Variants in XKR3 observed in about 807,000 individuals in gnomAD.
XKR3 encodes the protein XK related 3.
A neutral mutation model predicts 40.3 loss-of-function variants in XKR3; 27 were observed. The observed-to-expected ratio is 0.67, with a 90% CI of 0.49 to 0.92. XKR3 has a LOEUF of 0.92. Ranked by LOEUF, XKR3 falls within the 40% of genes least tolerant of loss-of-function variation. XKR3 has a pLI of 0.00. For synonymous variants in XKR3, 193 were observed against 195.4 expected, an observed-to-expected ratio of 0.99 and a Z score of 0.10; for missense variants, 472 against 537.6, an observed-to-expected ratio of 0.88 and a Z score of 1.21.
At chr22:16,804,190 G>C (rs559305488) in intron 2 of XKR3, among the ~76,000 whole-genome samples, 1 of 151,986 alleles carries the variant, frequency 6.6e-6, no homozygotes, top group South Asian at 2.1e-4. Flanking sequence ...AAAAAAGCTA[G>C]TACAATATTT....
Position 16,810,020 on chromosome 22 carries a change from G to A in XKR3, c.-10-1937C>T, listed in dbSNP as rs558749827. On this transcript the variant is annotated intron_variant, in intron 1 of 3. Coordinates refer to ENST00000684488, the MANE Select transcript of XKR3 (RefSeq NM_001386955.1). ...GCCCGCCTCAGGCTCCCAAACTGCT[G>A]GCATTGGAGGTGCAAGCCACCACAC... is the stretch of plus-strand genomic sequence containing the variant. 9.9e-5 allele frequency among the ~76,000 whole-genome samples: 15 copies of A among 152,284 alleles called. No individual in the cohort carries two copies. In the East Asian group the frequency reaches 2.9e-3, roughly 29 times the overall value.
intron 3 of XKR3, 26 bp from the exon 4 acceptor site, chr22:16,784,435 T>G (rs1399734470): frequency 3.2e-6 from 5 of 1,543,470 alleles, no homozygotes; most frequent in Non-Finnish European, 3.5e-6. Context: ...ATGAAAATGT[T>G]AGAGAATATT....
At chr22:16,801,895 A>C (rs924421525) in intron 2 of XKR3, among the ~76,000 whole-genome samples, 1 of 152,236 alleles carries the variant, frequency 6.6e-6, no homozygotes, top group Non-Finnish European at 1.5e-5. Flanking sequence ...AATCTGAAAG[A>C]AAAGTATGTG....
intron 3 of XKR3, among the ~76,000 whole-genome samples, chr22:16,796,735 A>G (rs1244149637): frequency 6.6e-6 from 1 of 152,230 alleles, no homozygotes; most frequent in Non-Finnish European, 1.5e-5. Context: ...ATCATACTGA[A>G]TGGGCAGAAG....
intron 3 of XKR3, among the ~76,000 whole-genome samples, chr22:16,791,206 G>C (rs1465059620): frequency 6.6e-6 from 1 of 151,856 alleles, no homozygotes; most frequent in Non-Finnish European, 1.5e-5. Context: ...CACAATGGAA[G>C]AGTATTCAGC....
intron 3 of XKR3, among the ~76,000 whole-genome samples, chr22:16,797,678 A>G (rs1326868651): frequency 6.6e-6 from 1 of 151,782 alleles, no homozygotes; most frequent in African/African-American, 2.4e-5. Context: ...CTGTGGTCCC[A>G]GCTGCTTGGG....
In XKR3 at chr22:16,807,843, C is replaced by T. The variant is rs973582643; in HGVS notation, c.231G>A (p.Gly77=). The T allele has an allele frequency of 1.2e-6, 2 of 1,613,754 alleles. No individual in the cohort carries two copies. Among genetic ancestry groups the T allele is most frequent in the African/African-American group, 2.7e-5 (2 of 74,884 alleles). The change falls in exon 2 of 4, where the codon GGG becomes GGA. Residue 77 remains glycine, a synonymous_variant. Coordinates refer to ENST00000684488, the MANE Select transcript of XKR3 (RefSeq NM_001386955.1). ...TCAGGATAATTTGATCCAAAATTGC[C>T]CCCACAATAATAAAGCTGATGGTAA... ...MSFTISFIIV[G]AILDQIILMF...
At chr22:16,816,829 A>T (rs2060235709) in intron 1 of XKR3, among the ~76,000 whole-genome samples, 1 of 151,962 alleles carries the variant, frequency 6.6e-6, no homozygotes, top group African/African-American at 2.4e-5. Flanking sequence ...CTTATCTTTC[A>T]TGTATGGTCA....
intron 2 of XKR3, among the ~76,000 whole-genome samples, chr22:16,805,186 G>A (rs1016596104): frequency 2.0e-5 from 3 of 152,034 alleles, no homozygotes; most frequent in Admixed American, 6.5e-5. Context: ...AGAAAATCTG[G>A]AGGAATCCAC....
intron 1 of XKR3, among the ~76,000 whole-genome samples, chr22:16,813,310 C>T (rs1485264862): frequency 6.6e-6 from 1 of 150,566 alleles, no homozygotes; most frequent in Non-Finnish European, 1.5e-5. Flanking sequence ...AAAAAACAAA[C>T]AAACAAAAAA....
chr22:16,814,147 G>C (rs1173219903), intron 1 of XKR3, among the ~76,000 whole-genome samples: 2 of 152,100 alleles, frequency 1.3e-5, no homozygotes, highest in Non-Finnish European at 2.9e-5. Flanking sequence ...CCTTTTTCTA[G>C]AGTTTTATTT....
intron 1 of XKR3, among the ~76,000 whole-genome samples, chr22:16,815,186 A>T (rs533505594): frequency 1.3e-5 from 2 of 152,120 alleles, no homozygotes; most frequent in African/African-American, 4.8e-5. Context: ...ATTTTATAAA[A>T]TATTTTACCA....
intron 3 of XKR3, among the ~76,000 whole-genome samples, chr22:16,785,471 A>G (rs16981669): frequency 0.043 from 6,482 of 152,306 alleles, 353 homozygotes; most frequent in African/African-American, 0.12. Flanking sequence ...GAAGAAAACC[A>G]AAATTATGAA....
chr22:16,818,413 C>T (rs539384865), intron 1 of XKR3, among the ~76,000 whole-genome samples: 1 of 152,054 alleles, frequency 6.6e-6, no homozygotes, highest in South Asian at 2.1e-4. Context: ...TTCCATGTAT[C>T]CCACATAATG....
At chr22:16,793,594 A>T (rs2060129453) in intron 3 of XKR3, among the ~76,000 whole-genome samples, 1 of 152,156 alleles carries the variant, frequency 6.6e-6, no homozygotes, top group African/African-American at 2.4e-5. Flanking sequence ...CCACCCAGAG[A>T]CAAAACTTCT....
chr22:16,823,242 G>T (rs175138), intron 1 of XKR3, among the ~76,000 whole-genome samples: 1 of 151,964 alleles, frequency 6.6e-6, no homozygotes, highest in Non-Finnish European at 1.5e-5. Context: ...TCTGTACAAT[G>T]ATAACATCAT....
At chr22:16,822,150 T>A (rs5992556) in intron 1 of XKR3, among the ~76,000 whole-genome samples, 1 of 151,800 alleles carries the variant, frequency 6.6e-6, no homozygotes, top group Admixed American at 6.6e-5. Flanking sequence ...AAAATGCAAT[T>A]GACTGTTGAA....
intron 3 of XKR3, among the ~76,000 whole-genome samples, chr22:16,789,962 T>C (rs2146142785): frequency 6.6e-6 from 1 of 152,154 alleles, no homozygotes; most frequent in African/African-American, 2.4e-5. Context: ...TCTTACTACA[T>C]ACAAAAAATA....
chr22:16,811,987 C>T (rs12485156), intron 1 of XKR3, among the ~76,000 whole-genome samples: 30,813 of 151,742 alleles, frequency 0.2, 3,692 homozygotes, highest in Middle Eastern at 0.3. Flanking sequence ...CCAGCCTGGG[C>T]GACAGAGCAA....
Sources: gnomAD v4.1 joint callset for allele counts (sites outside exome capture counted in the v4.1 genomes callset) on GRCh38, gnomAD v4.1.1 for gene constraint, MANE v1.5 for transcripts, NCBI Gene and HGNC (gene_info 2026-07-23, HGNC 2026-07-21) for gene names.